The following RELL1 variants were observed in gnomAD, a reference collection of about 807,000 sequenced individuals.
The protein encoded by RELL1 is RELT-like protein 1.
A neutral mutation model predicts 23.0 loss-of-function variants in RELL1; 10 were observed. That is an observed-to-expected ratio of 0.43 (90% CI 0.27 to 0.74). The LOEUF (loss-of-function observed/expected upper bound fraction) is 0.74. RELL1 is among the 30% of genes least tolerant of loss of function. The pLI, the probability that RELL1 is intolerant of heterozygous loss-of-function variation, is 0.19. For synonymous variants in RELL1, 146 were observed against 146.8 expected, an observed-to-expected ratio of 0.99 and a Z score of 0.04; for missense variants, 315 against 364.4, an observed-to-expected ratio of 0.86 and a Z score of 1.10.
At chr4:37,680,174 G>A (rs1722155573) in intron 1 of RELL1, among the ~76,000 whole-genome samples, 1 of 152,114 alleles carries the variant, frequency 6.6e-6, no homozygotes, top group African/African-American at 2.4e-5. Context: ...ACCAATTTTT[G>A]CCTAACAAAT....
At chr4:37,653,190 C>G (rs1721008814) in intron 1 of RELL1, among the ~76,000 whole-genome samples, 1 of 152,140 alleles carries the variant, frequency 6.6e-6, no homozygotes, top group South Asian at 2.1e-4. Flanking sequence ...GTAGCTACTC[C>G]ATGCTCACCT....
Position 37,613,289 on chromosome 4 carries a change from AG to A in RELL1, c.*56del, listed in dbSNP as rs1235150181. ...TATAAAATATATAAAAATATTCCCA[AG>A]GCAACTTCATATAAGTTTTCAGTCT... On this transcript the variant is annotated 3_prime_UTR_variant, in exon 7 of 7. Transcript: ENST00000454158. 1 of 152,210 alleles carries A rather than the reference AG, an allele frequency of 6.6e-6. No homozygotes were observed. Among genetic ancestry groups the A allele is most frequent in the Non-Finnish European group, 1.5e-5 (1 of 68,048 alleles). 9.4% of individuals were successfully genotyped at this position (152,210 alleles called of 1,614,324 possible). A position where few individuals can be genotyped will look rare whatever the true frequency, so the allele number is the denominator to read the frequency against.
At chr4:37,604,840 G>GACACACACAGAC (rs140152997) in intron 6 of RELL1, among the ~76,000 whole-genome samples, 3 of 37,842 alleles carry the variant, frequency 7.9e-5, no homozygotes, top group Admixed American at 2.2e-4. Flanking sequence ...CATACACACA[G>GACACACACAGAC]ACACACACAC....
At chr4:37,628,223 C>A (rs892724049) in intron 6 of RELL1, among the ~76,000 whole-genome samples, 1 of 152,098 alleles carries the variant, frequency 6.6e-6, no homozygotes, top group Non-Finnish European at 1.5e-5. Flanking sequence ...GTCTTGGACC[C>A]AGTTGAATGA....
chr4:37,673,278 C>T (rs1024649593), intron 1 of RELL1, among the ~76,000 whole-genome samples: 5 of 149,294 alleles, frequency 3.3e-5, no homozygotes, highest in African/African-American at 1.2e-4. Flanking sequence ...CAGCCTTGCA[C>T]CTCTGGGCTT....
intron 1 of RELL1, among the ~76,000 whole-genome samples, chr4:37,673,186 C>CTTTTTTTT (rs71189095): frequency 0.024 from 2,249 of 93,150 alleles, 171 homozygotes; most frequent in Middle Eastern, 0.029. Flanking sequence ...CTTTTTTTTT[C>CTTTTTTTT]TTTTTTTTTT....
chr4:37,644,292 T>G (rs1336432648), intron 3 of RELL1, among the ~76,000 whole-genome samples: 1 of 151,994 alleles, frequency 6.6e-6, no homozygotes, highest in Admixed American at 6.5e-5. Flanking sequence ...TCTGCTGTAA[T>G]TAAGAGAAGT....
At chr4:37,602,329 A>G (rs1166761939) in intron 6 of RELL1, among the ~76,000 whole-genome samples, 4 of 150,800 alleles carry the variant, frequency 2.7e-5, no homozygotes, top group Non-Finnish European at 5.9e-5. Flanking sequence ...TATGGTCTTC[A>G]CCAGCCCCTA....
chr4:37,654,867 T>A (rs184725548), intron 1 of RELL1, among the ~76,000 whole-genome samples: 4 of 152,242 alleles, frequency 2.6e-5, no homozygotes, highest in East Asian at 1.9e-4. Context: ...CTAGTTTTTT[T>A]AAAAAATAAA....
chr4:37,620,083 T>C (rs950579136), intron 6 of RELL1, among the ~76,000 whole-genome samples: 1 of 152,232 alleles, frequency 6.6e-6, no homozygotes, highest in Non-Finnish European at 1.5e-5. Flanking sequence ...ATATCAATAG[T>C]GAGAAGCTTT....
chr4:37,664,299 C>T (rs951029476), intron 1 of RELL1, among the ~76,000 whole-genome samples: 8 of 151,838 alleles, frequency 5.3e-5, no homozygotes, highest in African/African-American at 1.7e-4. Context: ...TTGCTTGAAC[C>T]CGGGTTGAAC....
rs539196864 is a variant in RELL1 at position 37,614,136 on chromosome 4, C to G, written c.*4-794G>C. On this transcript the variant is annotated intron_variant, in intron 6 of 6. Transcript: ENST00000454158. ...AGCTTGCAGAAATATGAAGAAATAG[C>G]ATGAAGTTGCTAGAAGTGTTTTGAA... 1.8e-4 allele frequency among the ~76,000 whole-genome samples: 27 copies of G among 152,304 alleles called. No individual in the cohort carries two copies. The East Asian group carries it at 3.1e-3, about 17-fold the overall frequency.
At chr4:37,630,563 C>T (rs1720095541) in intron 6 of RELL1, among the ~76,000 whole-genome samples, 1 of 151,832 alleles carries the variant, frequency 6.6e-6, no homozygotes, top group Non-Finnish European at 1.5e-5. Flanking sequence ...GACAGGGTTT[C>T]ACCATGTTAG....
chr4:37,622,953 C>T lies in RELL1; in HGVS notation c.*3+8432G>A, dbSNP rs112430162. The T allele has an allele frequency of 1.2e-4, 46 of 386,384 alleles. 3 individuals carry two copies. Among genetic ancestry groups the T allele is most frequent in the African/African-American group, 5.3e-4 (25 of 46,822 alleles). The allele number at this position is 386,384 out of a possible 1,614,324, so 23.9% of individuals were successfully genotyped here. A position where few individuals can be genotyped will look rare whatever the true frequency, so the allele number is the denominator to read the frequency against. ...CCGAGTAGCTGGGACTACAGGTGCC[C>T]GCCACCATGCCTACCTAATTTTTGT... On this transcript the variant is annotated intron_variant, in intron 6 of 6. Coordinates refer to ENST00000454158, the MANE Select transcript of RELL1 (RefSeq NM_001085400.2).
At chr4:37,638,300 C>T (rs906774419) in intron 4 of RELL1, 147 bp downstream of exon 4, 4 of 672,108 alleles carry the variant, frequency 6.0e-6, no homozygotes, top group Middle Eastern at 2.6e-4. Context: ...AGGACAGTTC[C>T]GCACAGCAAA....
chr4:37,670,963 T>C (rs1190599162), intron 1 of RELL1, among the ~76,000 whole-genome samples: 2 of 152,232 alleles, frequency 1.3e-5, no homozygotes, highest in Non-Finnish European at 2.9e-5. Context: ...GCCCCAACGT[T>C]TTCATATTAT....
At chr4:37,625,585 G>A (rs1383984611) in intron 6 of RELL1, among the ~76,000 whole-genome samples, 2 of 152,074 alleles carry the variant, frequency 1.3e-5, no homozygotes, top group Non-Finnish European at 2.9e-5. Context: ...ATGGTCAAAG[G>A]ACATAAAATT....
chr4:37,624,107 GC>G (rs1719858468), intron 6 of RELL1, among the ~76,000 whole-genome samples: 1 of 152,178 alleles, frequency 6.6e-6, no homozygotes, highest in African/African-American at 2.4e-5. Flanking sequence ...GAGCCAAGGA[GC>G]CTTTCCTCAC....
intron 6 of RELL1, among the ~76,000 whole-genome samples, chr4:37,625,459 A>G (rs1395161290): frequency 6.6e-6 from 1 of 152,246 alleles, no homozygotes; most frequent in Non-Finnish European, 1.5e-5. Context: ...CAAACCATAC[A>G]TCTTATAAAT....
Sources: gnomAD v4.1 joint callset for allele counts (sites outside exome capture counted in the v4.1 genomes callset) on GRCh38, gnomAD v4.1.1 for gene constraint, MANE v1.5 for transcripts, NCBI Gene and HGNC (gene_info 2026-07-23, HGNC 2026-07-21) for gene names.